Variants in LARP1B observed in about 807,000 individuals in gnomAD.
The protein encoded by LARP1B is La ribonucleoprotein 1B.
Under a neutral mutation model 114.2 loss-of-function variants are expected in LARP1B, and 76 were observed. The observed-to-expected ratio is 0.67, with a 90% confidence interval of 0.55 to 0.81. The LOEUF (loss-of-function observed/expected upper bound fraction) is 0.81, where lower values mean the gene tolerates loss of function less well. Among genes scored for constraint, LARP1B ranks in the 30% least tolerant of loss-of-function variants. LARP1B has a pLI of 0.00. For synonymous variants in LARP1B, 345 were observed against 348.0 expected, an observed-to-expected ratio of 0.99 and a Z score of 0.10; for missense variants, 1,014 against 1,075.8, an observed-to-expected ratio of 0.94 and a Z score of 0.80.
At chr4:128,070,185 T>C (rs1315166293) in intron 1 of LARP1B, among the ~76,000 whole-genome samples, 3 of 151,894 alleles carry the variant, frequency 2.0e-5, no homozygotes, top group African/African-American at 7.3e-5. Context: ...CTGGGCGTGG[T>C]GGCAGGCACC....
intron 1 of LARP1B, among the ~76,000 whole-genome samples, chr4:128,066,953 A>G (rs1030725181): frequency 2.0e-5 from 3 of 150,702 alleles, no homozygotes; most frequent in Non-Finnish European, 3.0e-5. Context: ...GCGCGCAACC[A>G]TGGTTGCCCG....
intron 7 of LARP1B, among the ~76,000 whole-genome samples, chr4:128,096,669 T>C (rs1402501708): frequency 6.6e-6 from 1 of 150,952 alleles, no homozygotes; most frequent in Non-Finnish European, 1.5e-5. Flanking sequence ...GGTGTAATCT[T>C]GGCTCACTGA....
chr4:128,101,705 C>T (rs1361356937), intron 8 of LARP1B, among the ~76,000 whole-genome samples: 1 of 151,892 alleles, frequency 6.6e-6, no homozygotes, highest in Non-Finnish European at 1.5e-5. Flanking sequence ...GTCTCGAACT[C>T]CTGGCCTCAA....
At position 128,077,901 on chromosome 4, in the gene LARP1B, A is replaced by C; in HGVS notation, c.156A>C (p.Leu52Phe). The C allele has an allele frequency of 6.2e-7, 1 of 1,613,768 alleles. No homozygotes were observed. The highest frequency in any genetic ancestry group is 8.5e-7 in the Non-Finnish European group (1 of 1,179,862). ...GCAAAGAAAACCGGGAAACAAAATTAAATGGTCCTGGTGAAAACGTCAGTG... is the reference window on the plus strand; with the variant it reads ...GCAAAGAAAACCGGGAAACAAAATTCAATGGTCCTGGTGAAAACGTCAGTG... ...SDSKENRETKLNGPGENVSED... is the reference protein window; with the variant it reads ...SDSKENRETKFNGPGENVSED... The change falls in exon 4 of 20, where the codon TTA becomes TTC. Residue 52 changes from leucine (L) to phenylalanine (F), a missense_variant. Transcript: ENST00000326639.
At chr4:128,140,637 C>A (rs182523379) in intron 11 of LARP1B, among the ~76,000 whole-genome samples, 1 of 151,902 alleles carries the variant, frequency 6.6e-6, no homozygotes, top group Non-Finnish European at 1.5e-5. Flanking sequence ...TACATGAATG[C>A]GTTATAAGTT....
intron 8 of LARP1B, among the ~76,000 whole-genome samples, chr4:128,099,996 C>T (rs1193035071): frequency 2.0e-5 from 3 of 151,244 alleles, no homozygotes; most frequent in Admixed American, 6.6e-5. Flanking sequence ...CTCTTGTTGC[C>T]CAGGCTGGAG....
At chr4:128,173,877 A>G (rs1354506714) in intron 12 of LARP1B, among the ~76,000 whole-genome samples, 2 of 152,212 alleles carry the variant, frequency 1.3e-5, no homozygotes, top group East Asian at 3.8e-4. Flanking sequence ...TTTTAGAACA[A>G]TTCCATCATA....
intron 11 of LARP1B, among the ~76,000 whole-genome samples, chr4:128,159,238 T>C (rs1266648999): frequency 6.6e-6 from 1 of 152,040 alleles, no homozygotes; most frequent in East Asian, 1.9e-4. Context: ...ACATTTCTTA[T>C]CACAAATGTA....
chr4:128,219,098 T>C (rs1202653642), intron 6 of LARP1B, among the ~76,000 whole-genome samples: 100 of 150,742 alleles, frequency 6.6e-4, no homozygotes, highest in Non-Finnish European at 1.2e-3. Flanking sequence ...CTATGAGATA[T>C]CATCTCACAG....
intron 11 of LARP1B, among the ~76,000 whole-genome samples, chr4:128,139,562 T>G (rs1357618060): frequency 6.8e-6 from 1 of 147,854 alleles, no homozygotes; most frequent in Non-Finnish European, 1.5e-5. Flanking sequence ...ATTTACTAAA[T>G]GCTTGTAACT....
At chr4:128,088,095 G>A (rs1252061298) in intron 5 of LARP1B, among the ~76,000 whole-genome samples, 4 of 151,912 alleles carry the variant, frequency 2.6e-5, no homozygotes, top group Non-Finnish European at 5.9e-5. Context: ...GGTAGGCTGA[G>A]GTAAGGAGGA....
At chr4:128,128,362 G>A (rs1790341317) in intron 11 of LARP1B, among the ~76,000 whole-genome samples, 1 of 152,026 alleles carries the variant, frequency 6.6e-6, no homozygotes, top group African/African-American at 2.4e-5. Context: ...ATTATGTTGG[G>A]GTTACATGCT....
intron 7 of LARP1B, among the ~76,000 whole-genome samples, chr4:128,093,275 G>GT (rs1026268302): frequency 6.6e-6 from 1 of 152,126 alleles, no homozygotes; most frequent in Non-Finnish European, 1.5e-5. Context: ...ATTGATTGAG[G>GT]TTTTGATTTT....
chr4:128,145,903 T>C (rs889976007), intron 11 of LARP1B, among the ~76,000 whole-genome samples: 2 of 152,198 alleles, frequency 1.3e-5, no homozygotes, highest in Admixed American at 1.3e-4. Context: ...CAGAAGACCA[T>C]ACCCATTACA....
At chr4:128,132,338 G>A (rs1370443589) in intron 11 of LARP1B, among the ~76,000 whole-genome samples, 2 of 152,000 alleles carry the variant, frequency 1.3e-5, no homozygotes, top group South Asian at 2.1e-4. Context: ...TCTGTCTCTC[G>A]GGTTCAAGTG....
At chr4:128,161,568 A>AC (rs760843851) in intron 11 of LARP1B, among the ~76,000 whole-genome samples, 9 of 152,248 alleles carry the variant, frequency 5.9e-5, no homozygotes, top group Admixed American at 3.3e-4. Flanking sequence ...CAACTTCCTC[A>AC]TCAGTCCTCT....
chr4:128,132,616 G>T (rs1791931985), intron 11 of LARP1B, among the ~76,000 whole-genome samples: 1 of 151,744 alleles, frequency 6.6e-6, no homozygotes, highest in Non-Finnish European at 1.5e-5. Context: ...GAGAAATGAA[G>T]GACTAATACT....
chr4:128,124,896 A>G (rs1428463838), intron 11 of LARP1B, among the ~76,000 whole-genome samples: 1 of 152,184 alleles, frequency 6.6e-6, no homozygotes, highest in African/African-American at 2.4e-5. Context: ...TTACAGGTTG[A>G]ATTAGATAGG....
At chr4:128,108,650 TA>T (rs1782914275) in intron 9 of LARP1B, 1 of 984,946 alleles carries the variant, frequency 1.0e-6, no homozygotes, top group Non-Finnish European at 1.2e-6. Context: ...TTATTTTAGC[TA>T]GTGGTTTTTA....
Sources: allele counts gnomAD v4.1 joint callset (sites outside exome capture counted in the v4.1 genomes callset), GRCh38; gene constraint gnomAD v4.1.1; transcripts MANE v1.5; gene names NCBI Gene and HGNC (gene_info 2026-07-23, HGNC 2026-07-21).